The following PRAMEF11 variants were observed in gnomAD, a reference collection of about 807,000 sequenced individuals.
The protein encoded by PRAMEF11 is PRAME family member 11.
PRAMEF11 carries 17 observed loss-of-function variants against 33.6 expected under a neutral mutation model. The ratio of observed to expected loss-of-function variants is 0.51; its 90% confidence interval spans 0.35 to 0.76. The LOEUF (loss-of-function observed/expected upper bound fraction) is 0.76. Among genes scored for constraint, PRAMEF11 ranks in the 30% least tolerant of loss-of-function variants. The probability of loss-of-function intolerance (pLI) is 0.01; values close to 1 mark genes in which losing one functional copy is unlikely to be tolerated. For synonymous variants in PRAMEF11, 205 were observed against 227.3 expected (o/e 0.90, Z 0.88); for missense variants, 568 against 567.0 (o/e 1.00, Z -0.02).
chr1:12,827,981 C>G lies in PRAMEF11; in HGVS notation c.294-151G>C, dbSNP rs111551261. The G allele has an allele frequency of 1.8e-3, 2,596 of 1,405,444 alleles. 77 individuals are homozygous for G. The African/African-American group carries it at 0.036, about 19-fold the overall frequency. 87.1% of individuals were successfully genotyped at this position (1,405,444 alleles called of 1,614,324 possible). On this transcript the variant is annotated intron_variant, in intron 2 of 3. Transcript: ENST00000619922. ...TTTTCCCCTTGGATCCTACCCACTTCCACATTTTTTTGTTTTTTTTTTGAG... is the reference window on the plus strand; with the variant it reads ...TTTTCCCCTTGGATCCTACCCACTTGCACATTTTTTTGTTTTTTTTTTGAG...
At chr1:12,829,430 G>T (rs1569794589) in intron 1 of PRAMEF11, among the ~76,000 whole-genome samples, 1 of 149,566 alleles carries the variant, frequency 6.7e-6, no homozygotes, top group African/African-American at 2.5e-5. Flanking sequence ...TTCTGACAGG[G>T]TCTTGCTGTC....
chr1:12,824,927 C>A lies in PRAMEF11; in HGVS notation c.*15G>T. ...GAAGAAAGCGTTTGACATACCCATC[C>A]AAATAGGCAGGCATTCAACAGCAGT... On this transcript the variant is annotated 3_prime_UTR_variant, in exon 4 of 4. Transcript: ENST00000619922. The A allele has an allele frequency of 6.2e-7, 1 of 1,608,354 alleles. No individual in the cohort carries two copies. Among genetic ancestry groups the A allele is most frequent in the Non-Finnish European group, 8.5e-7 (1 of 1,177,416 alleles).
chr1:12,830,423 G>C lies in PRAMEF11; in HGVS notation c.-17+933C>G, dbSNP rs947072606. Among the ~76,000 whole-genome samples, 16 of 151,368 alleles carry C rather than the reference G, an allele frequency of 1.1e-4. 2 individuals are homozygous for C. Among genetic ancestry groups the C allele is most frequent in the African/African-American group, 3.6e-4 (15 of 41,308 alleles). ...ATGCTTCAGCCTTCCACGTAGCTGG[G>C]ACTACAGGCATGCACCCCCCACAGC... On this transcript the variant is annotated intron_variant, in intron 1 of 3. Transcript: ENST00000619922.
rs1426323162 is a variant in PRAMEF11 at position 12,829,766 on chromosome 1, G to A, written c.-16-961C>T. 4.0e-5 allele frequency among the ~76,000 whole-genome samples: 6 copies of A among 150,842 alleles called. 1 individual carries two copies. Among genetic ancestry groups the A allele is most frequent in the Non-Finnish European group, 8.9e-5 (6 of 67,672 alleles). ...TCTCCGCCTGTAGTCCAAGCTAATAGGGAGGCTGAGGTAGGAGGATCACTT... is the reference window on the plus strand; with the variant it reads ...TCTCCGCCTGTAGTCCAAGCTAATAAGGAGGCTGAGGTAGGAGGATCACTT... On this transcript the variant is annotated intron_variant, in intron 1 of 3. Coordinates refer to ENST00000619922, the MANE Select transcript of PRAMEF11 (RefSeq NM_001146344.3).
intron 2 of PRAMEF11, among the ~76,000 whole-genome samples, chr1:12,828,047 G>A (rs1291610207): frequency 6.7e-6 from 1 of 149,498 alleles, no homozygotes; most frequent in Non-Finnish European, 1.5e-5. Context: ...GTGCAGTGGT[G>A]TGATGTCACC....
intron 1 of PRAMEF11, among the ~76,000 whole-genome samples, chr1:12,830,779 A>C (rs1639988521): frequency 2.0e-5 from 3 of 150,626 alleles, no homozygotes; most frequent in Non-Finnish European, 4.4e-5. Context: ...ACTTGAGGTC[A>C]GGTGTTCGAC....
Position 12,828,054 on chromosome 1 carries a change from C to T in PRAMEF11, c.294-224G>A, listed in dbSNP as rs529375754. On this transcript the variant is annotated intron_variant, in intron 2 of 3. Transcript: ENST00000619922. ...AGGCTAGAGTGCAGTGGTGTGATGT[C>T]ACCTCACTGCAACCTCTTCTTCCCG... Among the ~76,000 whole-genome samples the T allele has an allele frequency of 1.3e-5, 2 of 149,614 alleles. 1 individual carries two copies. The highest frequency in any genetic ancestry group is 4.0e-4 in the East Asian group (2 of 4,988).
chr1:12,827,805 A>C lies in PRAMEF11; in HGVS notation c.319T>G (p.Leu107Val), dbSNP rs545902079. The change falls in exon 3 of 4, where the codon TTA (leucine) becomes GTA (valine). Residue 107 changes from leucine to valine, a missense_variant. By Grantham distance (32) the Leu-to-Val change is conservative (BLOSUM62 1). Around this residue, in one of 3 missense-constraint regions of PRAMEF11, gnomAD observed 342 missense variants for 312.0 expected, o/e 1.10. Transcript: ENST00000619922. The stretch of plus-strand genomic sequence containing the variant: ...CAGAAGTTCTCACAGACATCCTGTA[A>C]ATCCAGCACTTGAAGTTTCCATCTC... ...PRRWKLQVLDLQDVCENFWMV... is the reference protein window; with the variant it reads ...PRRWKLQVLDVQDVCENFWMV... The C allele has an allele frequency of 8.7e-6, 14 of 1,607,712 alleles. 1 individual carries two copies. The East Asian group carries it at 2.7e-4, about 31-fold the overall frequency.
intron 3 of PRAMEF11, among the ~76,000 whole-genome samples, 198 bp downstream of exon 3, chr1:12,827,051 A>C (rs1347767701): frequency 6.7e-6 from 1 of 149,328 alleles, no homozygotes; most frequent in East Asian, 2.0e-4. Context: ...ATCTCCCCTG[A>C]CTGATCCCTC....
chr1:12,825,078 G>A lies in PRAMEF11; in HGVS notation c.1301C>T (p.Ala434Val). ...ADGTLCWSRF[A>V]QIRAELMKKV... is the part of the protein sequence containing the mutation. ...CTTCATCAGCTCAGCCCTAATTTGA[G>A]CAAATCTGCTCCAGCAGAGAGTACC... The change falls in exon 4 of 4, where the codon GCT (alanine) becomes GTT (valine). Residue 434 changes from alanine (A) to valine (V), a missense_variant. Coordinates refer to ENST00000619922, the MANE Select transcript of PRAMEF11 (RefSeq NM_001146344.3). 1.2e-6 allele frequency: 2 copies of A among 1,609,728 alleles called. No individual in the cohort carries two copies. The highest frequency in any genetic ancestry group is 2.3e-5 in the East Asian group (1 of 44,374).
In PRAMEF11 at chr1:12,827,842, T is replaced by C. The variant is rs760727329; in HGVS notation, c.294-12A>G. 6.2e-7 allele frequency: 1 copy of C among 1,606,352 alleles called. No individual in the cohort carries two copies. Among genetic ancestry groups the C allele is most frequent in the South Asian group, 1.1e-5 (1 of 90,456 alleles). On this transcript the variant is annotated splice_polypyrimidine_tract_variant and intron_variant, in intron 2 of 3. Transcript: ENST00000619922. ...GAAGTTTCCATCTCCTGTGGGAAAA[T>C]AGAGGTGAGACTGAGAATTTAAGAA... is the stretch of plus-strand genomic sequence containing the variant.
At chr1:12,829,493 C>T (rs1219529006) in intron 1 of PRAMEF11, among the ~76,000 whole-genome samples, 1 of 151,186 alleles carries the variant, frequency 6.6e-6, no homozygotes, top group East Asian at 2.0e-4. Flanking sequence ...CCTTGACCTC[C>T]CAGCTCAAAG....
intron 2 of PRAMEF11, 27 bp from the exon 3 acceptor site, chr1:12,827,857 G>T (rs780806758): frequency 3.7e-6 from 6 of 1,604,792 alleles, no homozygotes; most frequent in Admixed American, 1.7e-5. Flanking sequence ...GTGAGACTGA[G>T]AATTTAAGAA....
At chr1:12,829,884 G>T (rs1286253246) in intron 1 of PRAMEF11, among the ~76,000 whole-genome samples, 2 of 151,288 alleles carry the variant, frequency 1.3e-5, no homozygotes, top group Non-Finnish European at 3.0e-5. Context: ...GACAGAGAGA[G>T]CTACATTTGA....
At chr1:12,828,141 A>T (rs148870632) in intron 2 of PRAMEF11, among the ~76,000 whole-genome samples, 43 of 147,888 alleles carry the variant, frequency 2.9e-4, no homozygotes, top group African/African-American at 1.0e-3. Flanking sequence ...ACCCACCACC[A>T]TGCCCAGCTA....
rs1639891469 is a variant in PRAMEF11 at position 12,827,354 on chromosome 1, T to A, written c.770A>T (p.Glu257Val). ...SRYVSPEQKK[E>V]IVTQFTTQFL... ...CTGAGTGGTGAACTGGGTAACAATCTCCTTCTTCTGCTCTGGGGAAACGTA... is the reference window on the plus strand; with the variant it reads ...CTGAGTGGTGAACTGGGTAACAATCACCTTCTTCTGCTCTGGGGAAACGTA... The change falls in exon 3 of 4, where the codon GAG (glutamate) becomes GTG (valine). Residue 257 changes from glutamate to valine, a missense_variant. By Grantham distance (121) the Glu-to-Val change is moderately radical. This residue lies in a region of PRAMEF11 where 52 missense variants were observed against 127.8 expected (regional missense o/e 0.41). Coordinates refer to ENST00000619922, the MANE Select transcript of PRAMEF11 (RefSeq NM_001146344.3). 1 of 1,598,748 alleles carries A rather than the reference T, an allele frequency of 6.3e-7. No homozygotes were observed. Among genetic ancestry groups the A allele is most frequent in the Admixed American group, 1.7e-5 (1 of 59,738 alleles).
At chr1:12,825,951 G>A (rs1224684623) in intron 3 of PRAMEF11, among the ~76,000 whole-genome samples, 1 of 147,832 alleles carries the variant, frequency 6.8e-6, no homozygotes, top group Non-Finnish European at 1.5e-5. Flanking sequence ...TCCAGCCTGG[G>A]TGACAGAGTG....
Position 12,825,032 on chromosome 1 carries a change from G to C in PRAMEF11, c.1347C>G (p.His449Gln). Reference sequence around the variant, plus strand: ...CAGTACAGAACAAGATCCTCTTGGGGTGCCTTAAGTGCCTCACTTTCTTCA... The same window carrying C: ...CAGTACAGAACAAGATCCTCTTGGGCTGCCTTAAGTGCCTCACTTTCTTCA... ...ELMKKVRHLR[H>Q]PKRILFCTDN... is the part of the protein sequence containing the mutation. Residue 449 changes from histidine to glutamine, a missense_variant, in exon 4 of 4, where the codon CAC (histidine) becomes CAG (glutamine). Transcript: ENST00000619922. 1 of 1,609,740 alleles carries C rather than the reference G, an allele frequency of 6.2e-7. No homozygotes were observed. Among genetic ancestry groups the C allele is most frequent in the South Asian group, 1.1e-5 (1 of 90,484 alleles).
intron 3 of PRAMEF11, among the ~76,000 whole-genome samples, chr1:12,826,330 A>G (rs1639866781): frequency 7.9e-6 from 1 of 127,252 alleles, no homozygotes; most frequent in Admixed American, 7.8e-5. Flanking sequence ...AAACTTTTAC[A>G]ATGGGAATTA....
Sources: gnomAD v4.1 joint callset for allele counts (sites outside exome capture counted in the v4.1 genomes callset) on GRCh38, gnomAD v4.1.1 for gene constraint, gnomAD v4.1.1 regional missense constraint, MANE v1.5 for transcripts, NCBI Gene and HGNC (gene_info 2026-07-23, HGNC 2026-07-21) for gene names.